SAMSN1: variants seen among roughly 807,000 people sequenced by gnomAD.
SAMSN1 encodes the protein SAM domain-containing protein SAMSN-1.
SAMSN1 carries 31 observed loss-of-function variants against 42.0 expected under a neutral mutation model. The observed-to-expected ratio is 0.74, with a 90% CI of 0.55 to 1.00. SAMSN1 has a LOEUF of 1.00. SAMSN1 is among the 50% of genes least tolerant of loss of function. The pLI is 0.00. For synonymous variants in SAMSN1, 178 were observed against 151.9 expected, an observed-to-expected ratio of 1.17 and a Z score of -1.26; for missense variants, 464 against 439.4, an observed-to-expected ratio of 1.06 and a Z score of -0.50.
chr21:14,500,400 T>C, intron 6 of SAMSN1, 129 bp downstream of exon 6: 1 of 723,500 alleles, frequency 1.4e-6, no homozygotes, highest in Non-Finnish European at 2.3e-6. Context: ...AGAGCTCTTC[T>C]AGGAAAACAG....
intron 2 of SAMSN1, among the ~76,000 whole-genome samples, chr21:14,567,699 TC>T (rs1363160407): frequency 6.6e-6 from 1 of 151,966 alleles, no homozygotes; most frequent in Non-Finnish European, 1.5e-5. Context: ...TTTTCTGTGT[TC>T]TTAGTGTGAG....
At chr21:14,631,290 T>C (rs776886742) in intron 2 of SAMSN1, among the ~76,000 whole-genome samples, 4 of 152,222 alleles carry the variant, frequency 2.6e-5, no homozygotes, top group African/African-American at 7.2e-5. Context: ...ATAAAATACA[T>C]TGTCACTTTT....
At chr21:14,502,740 A>C (rs1012293208) in intron 5 of SAMSN1, among the ~76,000 whole-genome samples, 15 of 152,328 alleles carry the variant, frequency 9.8e-5, no homozygotes, top group African/African-American at 3.4e-4. Context: ...CTTAGACATC[A>C]GATCATTCCA....
chr21:14,642,367 C>T (rs575993165), intron 2 of SAMSN1, among the ~76,000 whole-genome samples: 1 of 152,272 alleles, frequency 6.6e-6, no homozygotes, highest in East Asian at 1.9e-4. Flanking sequence ...TAACACTTAC[C>T]TTTTACAAAT....
At chr21:14,636,102 T>C (rs1034178624) in intron 2 of SAMSN1, among the ~76,000 whole-genome samples, 5 of 152,116 alleles carry the variant, frequency 3.3e-5, no homozygotes, top group African/African-American at 1.2e-4. Flanking sequence ...ATTCATATTC[T>C]ATTGCTCAGA....
chr21:14,544,095 G>A (rs1329713707), intron 1 of SAMSN1, among the ~76,000 whole-genome samples: 1 of 152,146 alleles, frequency 6.6e-6, no homozygotes, highest in African/African-American at 2.4e-5. Context: ...TGTTGCCCAG[G>A]CTGGAGTGCA....
At chr21:14,506,885 T>C (rs1264122246) in intron 5 of SAMSN1, among the ~76,000 whole-genome samples, 1 of 152,170 alleles carries the variant, frequency 6.6e-6, no homozygotes, top group Non-Finnish European at 1.5e-5. Flanking sequence ...TGGGAGGGTT[T>C]AATATATGCA....
At position 14,498,601 on chromosome 21, in the gene SAMSN1, CAAAA is replaced by C; in HGVS notation, c.769-13_769-10del. 6.5e-7 allele frequency: 1 copy of C among 1,546,292 alleles called. No homozygotes were observed. The highest frequency in any genetic ancestry group is 8.7e-7 in the Non-Finnish European group (1 of 1,155,532). On this transcript the variant is annotated splice_polypyrimidine_tract_variant and intron_variant, in intron 6 of 7. Coordinates refer to ENST00000400566, the MANE Select transcript of SAMSN1 (RefSeq NM_022136.5). ...AGTGTTGAGGTGTATTCCTGTAAGACAAAAAATATAAAGCAAATTAGTCAGATTC... is the reference window on the plus strand; with the variant it reads ...AGTGTTGAGGTGTATTCCTGTAAGACAATATAAAGCAAATTAGTCAGATTC...
intron 7 of SAMSN1, among the ~76,000 whole-genome samples, chr21:14,498,205 A>G (rs1489277608): frequency 2.0e-5 from 3 of 152,254 alleles, no homozygotes; most frequent in Non-Finnish European, 4.4e-5. Flanking sequence ...CAGAGTGGAA[A>G]TGAGGTACCC....
chr21:14,584,572 C>G (rs1293528852), upstream of SAMSN1, among the ~76,000 whole-genome samples: 1 of 152,140 alleles, frequency 6.6e-6, no homozygotes, highest in Non-Finnish European at 1.5e-5. Flanking sequence ...TGGAAATTAA[C>G]TCTTTGTGTG....
chr21:14,512,364 G>T, intron 4 of SAMSN1, 80 bp downstream of exon 4: 1 of 1,451,600 alleles, frequency 6.9e-7, no homozygotes, highest in Non-Finnish European at 9.6e-7. Context: ...GAACCTTGTG[G>T]CTGATTTAAC....
chr21:14,567,570 T>A (rs571551122), intron 2 of SAMSN1, among the ~76,000 whole-genome samples: 29 of 152,238 alleles, frequency 1.9e-4, no homozygotes, highest in African/African-American at 5.5e-4. Flanking sequence ...CTCTGGGGAT[T>A]TATCCACTGC....
At chr21:14,581,694 G>A (rs777231796) in intron 2 of SAMSN1, among the ~76,000 whole-genome samples, 8 of 152,008 alleles carry the variant, frequency 5.3e-5, no homozygotes, top group Non-Finnish European at 8.8e-5. Flanking sequence ...ATTTCATAAT[G>A]TAAGTCCTTA....
intron 2 of SAMSN1, among the ~76,000 whole-genome samples, chr21:14,567,976 T>C (rs997212941): frequency 1.3e-5 from 2 of 152,148 alleles, no homozygotes; most frequent in Non-Finnish European, 2.9e-5. Context: ...GAATAAAAAA[T>C]GGTGTTCGTC....
intron 2 of SAMSN1, among the ~76,000 whole-genome samples, chr21:14,575,621 T>G (rs1981434524): frequency 6.6e-6 from 1 of 152,218 alleles, no homozygotes; most frequent in South Asian, 2.1e-4. Context: ...TATGAGGAAT[T>G]ATGCATTGAT....
chr21:14,553,211 C>A (rs1259910318), intron 2 of SAMSN1, among the ~76,000 whole-genome samples: 1 of 152,024 alleles, frequency 6.6e-6, no homozygotes, highest in African/African-American at 2.4e-5. Context: ...TCATTAGTCA[C>A]TATTAACATT....
At chr21:14,644,170 A>G (rs1983661310) in intron 1 of SAMSN1, among the ~76,000 whole-genome samples, 1 of 152,098 alleles carries the variant, frequency 6.6e-6, no homozygotes, top group Non-Finnish European at 1.5e-5. Context: ...GGCATGTAAC[A>G]CACTGAGACA....
intron 1 of SAMSN1, among the ~76,000 whole-genome samples, chr21:14,526,494 T>C (rs895930737): frequency 6.6e-6 from 1 of 152,168 alleles, no homozygotes; most frequent in Non-Finnish European, 1.5e-5. Flanking sequence ...TAAAAGAACT[T>C]AAGGCGATTC....
intron 2 of SAMSN1, among the ~76,000 whole-genome samples, chr21:14,617,720 G>A (rs1396340355): frequency 1.3e-5 from 2 of 152,180 alleles, no homozygotes; most frequent in Non-Finnish European, 2.9e-5. Flanking sequence ...GGAAACATTC[G>A]ATACCTTTTA....
Sources: allele counts gnomAD v4.1 joint callset (sites outside exome capture counted in the v4.1 genomes callset), GRCh38; gene constraint gnomAD v4.1.1; transcripts MANE v1.5; gene names NCBI Gene and HGNC (gene_info 2026-07-23, HGNC 2026-07-21).